PHLPP1: variants seen among roughly 807,000 people sequenced by gnomAD.
PHLPP1 encodes PH domain leucine-rich repeat-containing protein phosphatase 1.
PHLPP1 carries 42 observed loss-of-function variants against 117.2 expected under a neutral mutation model. The observed-to-expected ratio is 0.36, with a 90% CI of 0.28 to 0.46. The LOEUF is 0.46. Ranked by LOEUF, PHLPP1 falls within the 20% of genes least tolerant of loss-of-function variation. The pLI is 1.00. For missense variants in PHLPP1, 2,084 were observed against 2,241.9 expected, an observed-to-expected ratio of 0.93 and a Z score of 1.42; for synonymous variants, 1,042 against 970.7, an observed-to-expected ratio of 1.07 and a Z score of -1.37.
Position 62,715,606 on chromosome 18 carries a change from T to C in PHLPP1, c.-78T>C. On this transcript the variant is annotated 5_prime_UTR_variant, in exon 1 of 17. Coordinates refer to ENST00000262719, the MANE Select transcript of PHLPP1 (RefSeq NM_194449.4). ...CTCCCTTCTCCGCGCGCCGCCGCCG[T>C]CTCCCACCTCCGCCTCATCGCCTCC... 2 of 981,836 alleles carry C rather than the reference T, an allele frequency of 2.0e-6. No homozygotes were observed. Among genetic ancestry groups the C allele is most frequent in the Non-Finnish European group, 2.6e-6 (2 of 754,974 alleles). 60.8% of individuals were successfully genotyped at this position (981,836 alleles called of 1,614,324 possible). A position where few individuals can be genotyped will look rare whatever the true frequency, so the allele number is the denominator to read the frequency against.
intron 1 of PHLPP1, among the ~76,000 whole-genome samples, chr18:62,800,426 T>C (rs1199328629): frequency 1.3e-5 from 2 of 152,264 alleles, no homozygotes; most frequent in East Asian, 3.8e-4. Context: ...TCTTCAGTTA[T>C]GTTTTAAAGC....
intron 10 of PHLPP1, among the ~76,000 whole-genome samples, chr18:62,932,763 C>T (rs184154185): frequency 6.6e-6 from 1 of 152,230 alleles, no homozygotes; most frequent in East Asian, 1.9e-4. Flanking sequence ...AAGTCCTAGC[C>T]AGAGCAGTCA....
At chr18:62,967,776 A>G (rs1283017397) in intron 14 of PHLPP1, among the ~76,000 whole-genome samples, 1 of 150,710 alleles carries the variant, frequency 6.6e-6, no homozygotes, top group Non-Finnish European at 1.5e-5. Context: ...AATGTTAAAT[A>G]CACTTTGCAT....
intron 1 of PHLPP1, among the ~76,000 whole-genome samples, chr18:62,789,498 T>A (rs1001348167): frequency 2.4e-4 from 36 of 152,300 alleles, no homozygotes; most frequent in Admixed American, 1.2e-3. Flanking sequence ...TGGGCTTTTT[T>A]AAAAATATTG....
chr18:62,903,297 T>A, intron 7 of PHLPP1, 131 bp downstream of exon 7: 3 of 661,808 alleles, frequency 4.5e-6, no homozygotes, highest in Non-Finnish European at 7.6e-6. Flanking sequence ...AAAATAAAAG[T>A]CACAAAAGAA....
In PHLPP1 at chr18:62,882,569, C is replaced by T. The variant is rs79535526; in HGVS notation, c.2067-12442C>T. ...CCACCGCGCCCGGCCATTCACTTAACTATAGTTTCTAAAGAGCAAGTATAT... is the reference window on the plus strand; with the variant it reads ...CCACCGCGCCCGGCCATTCACTTAATTATAGTTTCTAAAGAGCAAGTATAT... On this transcript the variant is annotated intron_variant, in intron 4 of 16. Transcript: ENST00000262719. Among the ~76,000 whole-genome samples the T allele has an allele frequency of 1.8e-4, 27 of 152,208 alleles. 1 individual carries two copies. Among genetic ancestry groups the T allele is most frequent in the Admixed American group, 4.6e-4 (7 of 15,290 alleles).
chr18:62,902,123 C>G (rs1328041395), intron 6 of PHLPP1, among the ~76,000 whole-genome samples: 1 of 152,162 alleles, frequency 6.6e-6, no homozygotes, highest in African/African-American at 2.4e-5. Context: ...GTCCCCATTA[C>G]TACTTATTTT....
At position 62,716,042 on chromosome 18, in the gene PHLPP1, T is replaced by C; in HGVS notation, c.359T>C (p.Leu120Pro). ...GCCGGCGGCGGCGCCAACTCCCTCC[T>C]GCTGAGGAGAGGGCGGCTGAAGAGG... The part of the protein sequence containing the change: ...PGAGGGANSL[L>P]LRRGRLKRNL... The change falls in exon 1 of 17, where the codon CTG (leucine) becomes CCG (proline). Residue 120 changes from leucine to proline, a missense_variant. Physicochemically the swap from Leu to Pro is moderately conservative, Grantham distance 98. Coordinates refer to ENST00000262719, the MANE Select transcript of PHLPP1 (RefSeq NM_194449.4). This position sits in a 1 kb window ranked among gnomAD's most constrained non-coding sequence, Gnocchi z 5.7. 6.9e-7 allele frequency: 1 copy of C among 1,452,814 alleles called. No homozygotes were observed. The highest frequency in any genetic ancestry group is 9.0e-7 in the Non-Finnish European group (1 of 1,111,660). The allele number at this position is 1,452,814 out of a possible 1,614,324, so 90.0% of individuals were successfully genotyped here.
In PHLPP1 at chr18:62,979,113, C is replaced by T; in HGVS notation, c.4836C>T (p.Phe1612=). ...DEPGLPRKAD[F]SAVGTIGRRR... Reference sequence around the variant, plus strand: ...CAGGTCTGCCCAGGAAGGCAGACTTCTCTGCCGTTGGGACCATTGGGCGCC... The same window carrying T: ...CAGGTCTGCCCAGGAAGGCAGACTTTTCTGCCGTTGGGACCATTGGGCGCC... The change falls in exon 17 of 17, where the codon TTC becomes TTT. Residue 1612 remains phenylalanine, a synonymous_variant. Transcript: ENST00000262719. 6.2e-7 allele frequency: 1 copy of T among 1,613,910 alleles called. No individual in the cohort carries two copies. Among genetic ancestry groups the T allele is most frequent in the Non-Finnish European group, 8.5e-7 (1 of 1,179,824 alleles).
chr18:62,803,459 A>C lies in PHLPP1; in HGVS notation c.1577-26576A>C, dbSNP rs556729120. 3.9e-5 allele frequency among the ~76,000 whole-genome samples: 6 copies of C among 151,990 alleles called. No homozygotes were observed. The South Asian group carries it at 8.3e-4, about 21-fold the overall frequency. ...TGCTCATTTTGAGCTTTATATAAAT[A>C]GTAGCTTATCATATGTACTCTTTTG... On this transcript the variant is annotated intron_variant, in intron 1 of 16. Coordinates refer to ENST00000262719, the MANE Select transcript of PHLPP1 (RefSeq NM_194449.4).
intron 1 of PHLPP1, among the ~76,000 whole-genome samples, chr18:62,798,748 C>G (rs1188265289): frequency 6.6e-6 from 1 of 152,022 alleles, no homozygotes; most frequent in African/African-American, 2.4e-5. Context: ...GCTGAGCTGT[C>G]TGGGTGGTCA....
At chr18:62,769,332 G>A (rs577082152) in intron 1 of PHLPP1, among the ~76,000 whole-genome samples, 7 of 152,268 alleles carry the variant, frequency 4.6e-5, no homozygotes, top group African/African-American at 1.7e-4. Flanking sequence ...GTTTCTGCCA[G>A]GCTGTTTTGA....
At chr18:62,831,402 A>G (rs1235750352) in intron 2 of PHLPP1, among the ~76,000 whole-genome samples, 1 of 151,144 alleles carries the variant, frequency 6.6e-6, no homozygotes, top group Non-Finnish European at 1.5e-5. Flanking sequence ...TGGTGGTGCA[A>G]TCCCAGCTCA....
intron 3 of PHLPP1, among the ~76,000 whole-genome samples, chr18:62,846,839 T>C (rs602621): frequency 0.5 from 76,170 of 151,968 alleles, 19,286 homozygotes; most frequent in Non-Finnish European, 0.53. Flanking sequence ...TAGAAAATAA[T>C]AGAATGATCT....
intron 12 of PHLPP1, among the ~76,000 whole-genome samples, chr18:62,954,891 G>A (rs1373823421): frequency 6.6e-6 from 1 of 152,120 alleles, no homozygotes; most frequent in African/African-American, 2.4e-5. Flanking sequence ...CATGTGCCAG[G>A]CAATCATTTG....
At chr18:62,862,904 G>T (rs1351553260) in intron 4 of PHLPP1, among the ~76,000 whole-genome samples, 1 of 152,192 alleles carries the variant, frequency 6.6e-6, no homozygotes, top group Non-Finnish European at 1.5e-5. Flanking sequence ...GAATAGAGAA[G>T]AATATAATGA....
intron 1 of PHLPP1, among the ~76,000 whole-genome samples, chr18:62,765,237 T>C (rs912982769): frequency 3.1e-4 from 47 of 152,200 alleles, no homozygotes; most frequent in African/African-American, 1.1e-3. Flanking sequence ...GGCCTTCTCA[T>C]GTTCGATGCT....
At chr18:62,936,503 C>T (rs186544990) in intron 10 of PHLPP1, among the ~76,000 whole-genome samples, 18 of 152,290 alleles carry the variant, frequency 1.2e-4, no homozygotes, top group South Asian at 8.3e-4. Context: ...TCTCTCCACA[C>T]GTTATTTAAT....
intron 1 of PHLPP1, 102 bp downstream of exon 1, chr18:62,717,361 G>A: frequency 6.9e-7 from 1 of 1,438,920 alleles, no homozygotes; most frequent in Non-Finnish European, 9.3e-7. Flanking sequence ...AGTAAGTGCG[G>A]GTCCTGATGA....
Sources: allele counts gnomAD v4.1 joint callset (sites outside exome capture counted in the v4.1 genomes callset), GRCh38; gene constraint gnomAD v4.1.1; non-coding constraint Gnocchi (gnomAD v3.1); transcripts MANE v1.5; gene names NCBI Gene and HGNC (gene_info 2026-07-23, HGNC 2026-07-21).